The following GPR155 variants were observed in gnomAD, a reference collection of about 807,000 sequenced individuals.
GPR155 encodes lysosomal cholesterol signaling protein.
GPR155 carries 65 observed loss-of-function variants against 93.1 expected under a neutral mutation model. The ratio of observed to expected loss-of-function variants is 0.70; its 90% CI spans 0.57 to 0.86. GPR155 has a LOEUF of 0.86. Among genes scored for constraint, GPR155 ranks in the 40% least tolerant of loss-of-function variants. The probability of loss-of-function intolerance (pLI) is 0.00; values close to 1 mark genes in which losing one functional copy is unlikely to be tolerated. For synonymous variants in GPR155, 319 were observed against 360.1 expected (o/e 0.89, Z 1.29); for missense variants, 838 against 1,034.8 (o/e 0.81, Z 2.61).
At position 174,481,915 on chromosome 2, in the gene GPR155, G is replaced by A. The variant is rs772897417; in HGVS notation, c.42C>T (p.Val14=). The change falls in exon 2 of 16, where the codon GTC becomes GTT. Residue 14 remains valine (V), a synonymous_variant. Coordinates refer to ENST00000392552, the MANE Select transcript of GPR155 (RefSeq NM_152529.7). ...CTGTAGGCAAAGTCTTGGTCATATT[G>A]ACTGCAATGGTTAAGTTCTCTGCAG... The part of the protein sequence containing the change: ...NLPAENLTIA[V]NMTKTLPTAV... 7 of 1,613,872 alleles carry A rather than the reference G, an allele frequency of 4.3e-6. No individual in the cohort carries two copies. Among genetic ancestry groups the A allele is most frequent in the Non-Finnish European group, 4.2e-6 (5 of 1,179,876 alleles).
At chr2:174,480,347 T>C (rs1003843373) in intron 2 of GPR155, among the ~76,000 whole-genome samples, 1 of 152,226 alleles carries the variant, frequency 6.6e-6, no homozygotes, top group Non-Finnish European at 1.5e-5. Flanking sequence ...TGTTCACAGC[T>C]ATAATCCCAA....
chr2:174,458,303 T>C (rs911752453), intron 10 of GPR155, among the ~76,000 whole-genome samples: 1 of 152,192 alleles, frequency 6.6e-6, no homozygotes. Flanking sequence ...ACTGGAATGT[T>C]ATATTCAGAT....
chr2:174,446,214 G>A (rs1284536806), intron 12 of GPR155, among the ~76,000 whole-genome samples: 1 of 150,192 alleles, frequency 6.7e-6, no homozygotes, highest in Non-Finnish European at 1.5e-5. Context: ...GACTGAAGCA[G>A]GAGAATCGCT....
intron 11 of GPR155, among the ~76,000 whole-genome samples, chr2:174,447,171 T>C (rs1362254409): frequency 1.3e-5 from 2 of 151,496 alleles, no homozygotes; most frequent in African/African-American, 2.4e-5. Flanking sequence ...ACCTCATCCC[T>C]ACTAAAAATA....
intron 1 of GPR155, among the ~76,000 whole-genome samples, chr2:174,482,312 G>A (rs1688350080): frequency 6.6e-6 from 1 of 152,210 alleles, no homozygotes; most frequent in African/African-American, 2.4e-5. Context: ...GTGATGCCCT[G>A]TGGTTCTCTC....
intron 8 of GPR155, 30 bp downstream of exon 8, chr2:174,461,558 G>A: frequency 6.4e-7 from 1 of 1,558,292 alleles, no homozygotes; most frequent in South Asian, 1.1e-5. Flanking sequence ...ATATGGAAAG[G>A]TGTAAGCAAA....
chr2:174,452,890 T>A (rs928159128), intron 11 of GPR155, among the ~76,000 whole-genome samples: 2 of 152,186 alleles, frequency 1.3e-5, no homozygotes, highest in Admixed American at 6.5e-5. Context: ...GACCTTGTGA[T>A]CCACCCGCCT....
chr2:174,458,420 C>T (rs1687584357), intron 10 of GPR155, among the ~76,000 whole-genome samples: 1 of 152,200 alleles, frequency 6.6e-6, no homozygotes, highest in Admixed American at 6.5e-5. Flanking sequence ...TCTTCCCCTA[C>T]ATATTCTGTT....
chr2:174,447,858 A>T (rs941265779), intron 11 of GPR155, among the ~76,000 whole-genome samples: 2 of 148,666 alleles, frequency 1.3e-5, no homozygotes, highest in African/African-American at 4.9e-5. Flanking sequence ...TTTTATTTTT[A>T]TATTGTATAT....
intron 2 of GPR155, among the ~76,000 whole-genome samples, chr2:174,479,995 A>G (rs1486327393): frequency 6.6e-6 from 1 of 152,200 alleles, no homozygotes; most frequent in East Asian, 1.9e-4. Context: ...AACAAGATAG[A>G]GGAAAGTCAA....
intron 11 of GPR155, among the ~76,000 whole-genome samples, chr2:174,453,484 C>T (rs1687386717): frequency 6.6e-6 from 1 of 151,882 alleles, no homozygotes; most frequent in Non-Finnish European, 1.5e-5. Context: ...CACAGTGAAA[C>T]TCCGTCTCTA....
intron 2 of GPR155, among the ~76,000 whole-genome samples, chr2:174,476,328 G>T (rs944886698): frequency 6.6e-6 from 1 of 152,106 alleles, no homozygotes; most frequent in East Asian, 1.9e-4. Flanking sequence ...TTCTTTTACC[G>T]GGCATGGTGG....
At chr2:174,447,184 C>A (rs7573427) in intron 11 of GPR155, among the ~76,000 whole-genome samples, 148,313 of 151,546 alleles carry the variant, frequency 0.98, 72,678 homozygotes, top group East Asian at 1. Flanking sequence ...TAAAAATACA[C>A]AAATTAACTG....
chr2:174,446,329 A>G (rs1404781602), intron 12 of GPR155, among the ~76,000 whole-genome samples: 19 of 129,266 alleles, frequency 1.5e-4, no homozygotes, highest in African/African-American at 2.5e-4. Flanking sequence ...AATAAAAAAT[A>G]AAAAGAAATA....
At chr2:174,464,777 A>C (rs1198440775) in intron 7 of GPR155, among the ~76,000 whole-genome samples, 1 of 152,094 alleles carries the variant, frequency 6.6e-6, no homozygotes, top group Non-Finnish European at 1.5e-5. Flanking sequence ...ATGCTATGCA[A>C]GATGTAGTTG....
intron 14 of GPR155, 42 bp downstream of exon 14, chr2:174,442,077 A>G: frequency 1.0e-6 from 1 of 987,810 alleles, no homozygotes; most frequent in Non-Finnish European, 1.6e-6. Context: ...TGGCTTTGTC[A>G]TCACATTTAC....
intron 10 of GPR155, among the ~76,000 whole-genome samples, chr2:174,457,109 C>T (rs957533114): frequency 1.3e-5 from 2 of 152,082 alleles, no homozygotes; most frequent in African/African-American, 2.4e-5. Flanking sequence ...GTCAGAAGTT[C>T]GAGACCAGCC....
chr2:174,472,443 G>A (rs1296750626), intron 3 of GPR155, among the ~76,000 whole-genome samples: 2 of 152,128 alleles, frequency 1.3e-5, no homozygotes, highest in Non-Finnish European at 2.9e-5. Context: ...AAAAGAAGTT[G>A]ATGAGCACTT....
At chr2:174,443,572 T>C (rs1039855157) in intron 13 of GPR155, among the ~76,000 whole-genome samples, 1 of 151,938 alleles carries the variant, frequency 6.6e-6, no homozygotes, top group African/African-American at 2.4e-5. Context: ...CTACTGAAAA[T>C]ACAAAAATTA....
Sources: gnomAD v4.1 joint callset for allele counts (sites outside exome capture counted in the v4.1 genomes callset) on GRCh38, gnomAD v4.1.1 for gene constraint, MANE v1.5 for transcripts, NCBI Gene and HGNC (gene_info 2026-07-23, HGNC 2026-07-21) for gene names.